Variants in EPAS1 observed in about 807,000 individuals in gnomAD.
The protein encoded by EPAS1 is endothelial PAS domain-containing protein 1.
In EPAS1, 23 loss-of-function variants were observed where a neutral mutation model predicts 87.9. That is an observed-to-expected ratio of 0.26 (90% CI 0.19 to 0.37). The LOEUF (loss-of-function observed/expected upper bound fraction) is 0.37, where lower values mean the gene tolerates loss of function less well. Among genes scored for constraint, EPAS1 ranks in the 10% least tolerant of loss-of-function variants. The pLI is 1.00. For synonymous variants in EPAS1, 508 were observed against 444.3 expected (o/e 1.14, Z -1.80); for missense variants, 1,138 against 1,120.7 (o/e 1.02, Z -0.22).
chr2:46,375,674 G>T lies in EPAS1; in HGVS notation c.887-16G>T. The stretch of plus-strand genomic sequence containing the variant: ...GCCCCACCTCCCTAAGCTCAGCTCT[G>T]TTTCTCCTCCCCTAGTGTGCACCAA... On this transcript the variant is annotated splice_polypyrimidine_tract_variant and intron_variant, in intron 7 of 15. Transcript: ENST00000263734. This position sits in a 1 kb window ranked among gnomAD's most constrained non-coding sequence, Gnocchi z 4.1. The T allele has an allele frequency of 6.2e-7, 1 of 1,613,394 alleles. No homozygotes were observed. Among genetic ancestry groups the T allele is most frequent in the East Asian group, 2.2e-5 (1 of 44,856 alleles).
intron 1 of EPAS1, among the ~76,000 whole-genome samples, chr2:46,318,382 A>T (rs1683386491): frequency 6.6e-6 from 1 of 152,222 alleles, no homozygotes; most frequent in South Asian, 2.1e-4. Context: ...GAAATATTGC[A>T]AGAATGACCA....
intron 9 of EPAS1, among the ~76,000 whole-genome samples, chr2:46,377,471 G>A (rs1191419661): frequency 2.0e-5 from 3 of 152,298 alleles, no homozygotes; most frequent in South Asian, 2.1e-4. Flanking sequence ...CAGCGGCCAC[G>A]TGAGGATTGC....
intron 1 of EPAS1, among the ~76,000 whole-genome samples, chr2:46,325,376 G>A (rs560670585): frequency 1.3e-5 from 2 of 152,360 alleles, no homozygotes; most frequent in South Asian, 2.1e-4. Context: ...TTCTGCCGAT[G>A]TGGGCATTTC....
chr2:46,338,254 G>A (rs1167361508), intron 1 of EPAS1, among the ~76,000 whole-genome samples: 1 of 152,196 alleles, frequency 6.6e-6, no homozygotes, highest in African/African-American at 2.4e-5. Flanking sequence ...TGATACACCT[G>A]CTCTGCAAGA....
At chr2:46,363,446 G>A (rs1684442792) in intron 6 of EPAS1, among the ~76,000 whole-genome samples, 1 of 152,196 alleles carries the variant, frequency 6.6e-6, no homozygotes, top group Non-Finnish European at 1.5e-5. Flanking sequence ...TTGTTACAGT[G>A]AGAAGAAATC....
In EPAS1 at chr2:46,375,481, C is replaced by T. The variant is rs148972251; in HGVS notation, c.887-209C>T. ...TTGGGCAAGTCATTTCACCTCTTCTCACCTCTTTTTCCTATATTTAAAATG... is the reference window on the plus strand; with the variant it reads ...TTGGGCAAGTCATTTCACCTCTTCTTACCTCTTTTTCCTATATTTAAAATG... On this transcript the variant is annotated intron_variant, in intron 7 of 15. Transcript: ENST00000263734. The surrounding 1 kb of genome is among the most constrained non-coding windows in gnomAD (Gnocchi z 4.1). Among the ~76,000 whole-genome samples the T allele has an allele frequency of 3.9e-5, 6 of 152,274 alleles. No homozygotes were observed. The highest frequency in any genetic ancestry group is 1.9e-4 in the East Asian group (1 of 5,164).
chr2:46,305,878 G>T (rs747435771), intron 1 of EPAS1, among the ~76,000 whole-genome samples: 1 of 152,192 alleles, frequency 6.6e-6, no homozygotes, highest in Non-Finnish European at 1.5e-5. Context: ...GGTGCTGAAG[G>T]TAACCCCCAT....
At chr2:46,355,955 G>T (rs1684260183) in intron 2 of EPAS1, among the ~76,000 whole-genome samples, 196 bp from the exon 3 acceptor site, 1 of 152,226 alleles carries the variant, frequency 6.6e-6, no homozygotes, top group Non-Finnish European at 1.5e-5. Flanking sequence ...TGTCCTCACA[G>T]CTCCCGTCAG....
chr2:46,381,053 G>C, intron 12 of EPAS1: 1 of 407,144 alleles, frequency 2.5e-6, no homozygotes, highest in Non-Finnish European at 4.5e-6. Flanking sequence ...GATTTTCCCT[G>C]GTTGAAAACA....
chr2:46,383,132 C>T (rs963155434), intron 15 of EPAS1, among the ~76,000 whole-genome samples: 9 of 152,200 alleles, frequency 5.9e-5, no homozygotes, highest in Non-Finnish European at 1.2e-4. Flanking sequence ...AGGGAGAACC[C>T]TCCCATGATC....
chr2:46,348,329 C>T (rs556126835), intron 2 of EPAS1, among the ~76,000 whole-genome samples: 11 of 152,174 alleles, frequency 7.2e-5, no homozygotes, highest in East Asian at 3.8e-4. Flanking sequence ...AAAGAGAGAA[C>T]AGTGGGCTGA....
intron 1 of EPAS1, among the ~76,000 whole-genome samples, chr2:46,302,246 C>T (rs1683021769): frequency 6.6e-6 from 1 of 150,884 alleles, no homozygotes; most frequent in African/African-American, 2.5e-5. Flanking sequence ...TTAGATAATT[C>T]TCAGTGCTCC....
At chr2:46,306,215 A>T (rs1034403965) in intron 1 of EPAS1, among the ~76,000 whole-genome samples, 12 of 152,206 alleles carry the variant, frequency 7.9e-5, no homozygotes, top group Non-Finnish European at 4.4e-5. Context: ...GTATAGTATT[A>T]AAAAAATACA....
Position 46,382,721 on chromosome 2 carries a change from C to G in EPAS1, c.2461+123C>G, listed in dbSNP as rs1205400064. 6 of 1,280,202 alleles carry G rather than the reference C, an allele frequency of 4.7e-6. No homozygotes were observed. In the East Asian group the frequency reaches 1.5e-4, roughly 32 times the overall value. The allele number at this position is 1,280,202 out of a possible 1,614,324, so 79.3% of individuals were successfully genotyped here. A position where few individuals can be genotyped will look rare whatever the true frequency, so the allele number is the denominator to read the frequency against. On this transcript the variant is annotated intron_variant, in intron 15 of 15. Coordinates refer to ENST00000263734, the MANE Select transcript of EPAS1 (RefSeq NM_001430.5). ...AGGGAGGTGCTTGACTTGAAGTCAC[C>G]TATACAGGGCTCAGGTCTCCTTGGA...
intron 2 of EPAS1, among the ~76,000 whole-genome samples, 194 bp from the exon 3 acceptor site, chr2:46,355,957 T>G (rs1338174279): frequency 6.6e-6 from 1 of 152,188 alleles, no homozygotes; most frequent in Non-Finnish European, 1.5e-5. Flanking sequence ...TCCTCACAGC[T>G]CCCGTCAGGG....
rs1468067814 is a variant in EPAS1, at chr2:46,375,206, A to G, written c.887-484A>G. 2.0e-5 allele frequency among the ~76,000 whole-genome samples: 3 copies of G among 151,698 alleles called. No individual in the cohort carries two copies. The highest frequency in any genetic ancestry group is 4.4e-5 in the Non-Finnish European group (3 of 67,922). ...AAAAAAAAACAAAAAAAAACAAAAA[A>G]AACTGCCCTGAGGTCAGGCTTTCTC... On this transcript the variant is annotated intron_variant, in intron 7 of 15. Coordinates refer to ENST00000263734, the MANE Select transcript of EPAS1 (RefSeq NM_001430.5). The surrounding 1 kb of genome is among the most constrained non-coding windows in gnomAD (Gnocchi z 4.1).
At chr2:46,329,541 C>T (rs896272944) in intron 1 of EPAS1, among the ~76,000 whole-genome samples, 7 of 152,128 alleles carry the variant, frequency 4.6e-5, no homozygotes, top group East Asian at 1.9e-4. Flanking sequence ...AACACACACA[C>T]GGCCAGGCGT....
chr2:46,307,148 C>A (rs1001179397), intron 1 of EPAS1, among the ~76,000 whole-genome samples: 1 of 152,174 alleles, frequency 6.6e-6, no homozygotes, highest in Non-Finnish European at 1.5e-5. Flanking sequence ...TCCAAGAGTT[C>A]TCAGATGCTA....
intron 1 of EPAS1, among the ~76,000 whole-genome samples, chr2:46,330,680 G>C (rs1254567818): frequency 6.6e-6 from 1 of 152,228 alleles, no homozygotes; most frequent in Non-Finnish European, 1.5e-5. Flanking sequence ...TGCCACAATA[G>C]GGTTGCCCCA....
Sources: allele counts gnomAD v4.1 joint callset (sites outside exome capture counted in the v4.1 genomes callset), GRCh38; gene constraint gnomAD v4.1.1; non-coding constraint Gnocchi (gnomAD v3.1); transcripts MANE v1.5; gene names NCBI Gene and HGNC (gene_info 2026-07-23, HGNC 2026-07-21).